The following BRINP1 variants were observed in gnomAD, a reference collection of about 807,000 sequenced individuals.
BRINP1 encodes BMP/retinoic acid-inducible neural-specific protein 1.
A neutral mutation model predicts 72.9 loss-of-function variants in BRINP1; 17 were observed. The observed-to-expected ratio is 0.23, with a 90% confidence interval of 0.16 to 0.35. The LOEUF (loss-of-function observed/expected upper bound fraction) is 0.35, where lower values mean the gene tolerates loss of function less well. Ranked by LOEUF, BRINP1 falls within the 10% of genes least tolerant of loss-of-function variation. BRINP1 has a pLI of 1.00. For missense variants in BRINP1, 850 were observed against 1,001.6 expected, an observed-to-expected ratio of 0.85 and a Z score of 2.04; for synonymous variants, 418 against 378.5, an observed-to-expected ratio of 1.10 and a Z score of -1.21.
intron 1 of BRINP1, among the ~76,000 whole-genome samples, chr9:119,321,396 T>G (rs1436301707): frequency 6.6e-6 from 1 of 152,276 alleles, no homozygotes; most frequent in Non-Finnish European, 1.5e-5. Flanking sequence ...GCTTTCGATG[T>G]GGCTAGTCCA....
In BRINP1 at chr9:119,214,123, C is replaced by T; in HGVS notation, c.718G>A (p.Glu240Lys). The part of the protein sequence containing the change: ...LQIIFPQYLQ[E>K]KFVQSALSYI... The stretch of plus-strand genomic sequence containing the variant: ...CTCAAGGCCGACTGGACAAACTTCT[C>T]TTGCAGATACTGAGGAAAGATTATC... The change falls in exon 6 of 8, where the codon GAG becomes AAG. Residue 240 changes from glutamate to lysine, a missense_variant. Transcript: ENST00000265922. The T allele has an allele frequency of 6.2e-7, 1 of 1,614,068 alleles. No homozygotes were observed. Among genetic ancestry groups the T allele is most frequent in the African/African-American group, 1.3e-5 (1 of 75,042 alleles).
At chr9:119,262,408 C>T (rs1178722158) in intron 2 of BRINP1, among the ~76,000 whole-genome samples, 7 of 151,482 alleles carry the variant, frequency 4.6e-5, no homozygotes, top group Non-Finnish European at 8.8e-5. Context: ...TCGAGGCGGG[C>T]GGGTCATGAG....
intron 2 of BRINP1, among the ~76,000 whole-genome samples, chr9:119,305,791 C>G (rs1370711817): frequency 3.9e-5 from 6 of 152,208 alleles, no homozygotes; most frequent in Non-Finnish European, 8.8e-5. Flanking sequence ...CAGTCTCCCC[C>G]AAAGAGACCA....
At chr9:119,245,800 T>C (rs371021317) in intron 3 of BRINP1, among the ~76,000 whole-genome samples, 31 of 152,326 alleles carry the variant, frequency 2.0e-4, no homozygotes, top group African/African-American at 7.5e-4. Flanking sequence ...TATCAAAGCA[T>C]TTTTTCTCAA....
intron 7 of BRINP1, among the ~76,000 whole-genome samples, chr9:119,171,095 A>G (rs1330778292): frequency 6.6e-6 from 1 of 151,010 alleles, no homozygotes; most frequent in Non-Finnish European, 1.5e-5. Context: ...ATAACCAGCT[A>G]ACATCATAAT....
chr9:119,237,290 G>A (rs1465020817), intron 5 of BRINP1, among the ~76,000 whole-genome samples: 1 of 151,682 alleles, frequency 6.6e-6, no homozygotes, highest in Non-Finnish European at 1.5e-5. Flanking sequence ...TACATCATCG[G>A]TAACCTAGAG....
chr9:119,272,036 C>T (rs1231414767), intron 2 of BRINP1, among the ~76,000 whole-genome samples: 1 of 126,294 alleles, frequency 7.9e-6, no homozygotes, highest in African/African-American at 3.0e-5. Context: ...ATGCTTTTCA[C>T]AAAAAAGTGG....
intron 2 of BRINP1, among the ~76,000 whole-genome samples, chr9:119,272,567 C>G (rs1004784791): frequency 2.6e-5 from 4 of 152,146 alleles, no homozygotes; most frequent in Admixed American, 2.0e-4. Context: ...TCCTAACAAG[C>G]TAGCTCCCAA....
intron 2 of BRINP1, among the ~76,000 whole-genome samples, chr9:119,280,401 G>A (rs934315901): frequency 8.1e-5 from 11 of 135,438 alleles, no homozygotes; most frequent in Non-Finnish European, 1.8e-4. Context: ...ACCACACCCA[G>A]CTATTTTTTT....
intron 7 of BRINP1, among the ~76,000 whole-genome samples, chr9:119,193,159 G>A (rs997804773): frequency 3.7e-4 from 56 of 151,300 alleles, no homozygotes; most frequent in African/African-American, 1.2e-3. Flanking sequence ...TTTTTTTATC[G>A]ATAGTTGGTT....
intron 2 of BRINP1, among the ~76,000 whole-genome samples, chr9:119,301,369 C>T (rs1374916740): frequency 3.9e-5 from 6 of 152,214 alleles, no homozygotes; most frequent in African/African-American, 4.8e-5. Flanking sequence ...TGTCAACTTT[C>T]ATATTCAAAC....
intron 7 of BRINP1, among the ~76,000 whole-genome samples, chr9:119,203,980 C>A (rs935490146): frequency 1.3e-5 from 2 of 152,106 alleles, no homozygotes; most frequent in Non-Finnish European, 2.9e-5. Flanking sequence ...TAATGCTCTC[C>A]GACTTCCAAG....
At chr9:119,172,936 T>A (rs1227944418) in intron 7 of BRINP1, among the ~76,000 whole-genome samples, 4 of 150,852 alleles carry the variant, frequency 2.7e-5, no homozygotes, top group Non-Finnish European at 5.9e-5. Context: ...CAACCACCCT[T>A]CATGCTAAAA....
chr9:119,323,796 G>C (rs1831213174), intron 1 of BRINP1, among the ~76,000 whole-genome samples: 1 of 152,210 alleles, frequency 6.6e-6, no homozygotes, highest in Non-Finnish European at 1.5e-5. Flanking sequence ...AGGTTAGCAA[G>C]ATGGAGGAGG....
At chr9:119,319,326 G>A (rs1003400331) in intron 1 of BRINP1, among the ~76,000 whole-genome samples, 1 of 152,198 alleles carries the variant, frequency 6.6e-6, no homozygotes, top group Admixed American at 6.5e-5. Flanking sequence ...TCCTCAAGTA[G>A]AGATGAATGT....
chr9:119,181,949 C>T (rs558577801), intron 7 of BRINP1, among the ~76,000 whole-genome samples: 1 of 152,246 alleles, frequency 6.6e-6, no homozygotes, highest in South Asian at 2.1e-4. Context: ...AGATGATGTG[C>T]ATTAAGTTTC....
chr9:119,366,923 G>A (rs533166099), intron 1 of BRINP1, among the ~76,000 whole-genome samples: 35 of 151,990 alleles, frequency 2.3e-4, no homozygotes, highest in African/African-American at 8.2e-4. Flanking sequence ...GATCGTCTGT[G>A]AATTAGGAAA....
chr9:119,175,865 A>G (rs1404752687), intron 7 of BRINP1, among the ~76,000 whole-genome samples: 2 of 151,984 alleles, frequency 1.3e-5, no homozygotes, highest in African/African-American at 4.8e-5. Flanking sequence ...TATTCACTCC[A>G]ATTTTCTCGC....
chr9:119,308,691 G>A (rs1831025136), intron 2 of BRINP1, among the ~76,000 whole-genome samples: 1 of 152,136 alleles, frequency 6.6e-6, no homozygotes, highest in African/African-American at 2.4e-5. Context: ...ATACAGCCAG[G>A]CAATTAGACT....
Sources: allele counts gnomAD v4.1 joint callset (sites outside exome capture counted in the v4.1 genomes callset), GRCh38; gene constraint gnomAD v4.1.1; transcripts MANE v1.5; gene names NCBI Gene and HGNC (gene_info 2026-07-23, HGNC 2026-07-21).